Variants in SMCO4 observed in about 807,000 individuals in gnomAD.
SMCO4 encodes single-pass membrane protein with coiled-coil domains 4.
In SMCO4, 4 loss-of-function variants were observed where a neutral mutation model predicts 3.6. The ratio of observed to expected loss-of-function variants is 1.11; its 90% confidence interval spans 0.54 to 2.53. SMCO4 has a LOEUF of 2.53. SMCO4 is among the 30% of genes most tolerant of loss of function. The pLI, the probability that SMCO4 is intolerant of heterozygous loss-of-function variation, is 0.02. For missense variants in SMCO4, 70 were observed against 80.8 expected, an observed-to-expected ratio of 0.87 and a Z score of 0.51; for synonymous variants, 36 against 35.3, an observed-to-expected ratio of 1.02 and a Z score of -0.07.
chr11:93,536,289 A>G (rs1949223731), intron 1 of SMCO4, among the ~76,000 whole-genome samples: 1 of 152,226 alleles, frequency 6.6e-6, no homozygotes, highest in Admixed American at 6.5e-5. Context: ...AACATTTTAA[A>G]TGAATTTAAC....
chr11:93,495,051 G>A (rs1425597792), intron 2 of SMCO4, among the ~76,000 whole-genome samples: 2 of 151,976 alleles, frequency 1.3e-5, no homozygotes, highest in African/African-American at 2.4e-5. Context: ...CCATGCAGCT[G>A]TCTGAAATGC....
At chr11:93,553,108 C>T in the SMCO4 span, among the ~76,000 whole-genome samples, 3 of 152,192 alleles carry the variant, frequency 2.0e-5, no homozygotes, top group African/African-American at 7.2e-5. Flanking sequence ...CCACATGGTT[C>T]CAAAGTCCAT....
intron 1 of SMCO4, among the ~76,000 whole-genome samples, chr11:93,520,765 A>T (rs955456705): frequency 2.0e-5 from 3 of 152,226 alleles, no homozygotes; most frequent in African/African-American, 7.2e-5. Context: ...AGAGAACTGA[A>T]CAGAGACCCA....
At chr11:93,551,358 G>A in the SMCO4 span, among the ~76,000 whole-genome samples, 2 of 152,058 alleles carry the variant, frequency 1.3e-5, no homozygotes, top group African/African-American at 4.8e-5. Context: ...CTGGGGACGT[G>A]GTCCTCCTCA....
intron 1 of SMCO4, among the ~76,000 whole-genome samples, chr11:93,527,406 C>A (rs949602561): frequency 6.6e-6 from 1 of 152,106 alleles, no homozygotes; most frequent in East Asian, 1.9e-4. Flanking sequence ...AAAAAAAAAT[C>A]TCTCAGGGGA....
intron 2 of SMCO4, among the ~76,000 whole-genome samples, chr11:93,489,990 C>A (rs1446350342): frequency 6.6e-6 from 1 of 152,228 alleles, no homozygotes; most frequent in Non-Finnish European, 1.5e-5. Flanking sequence ...GAGACCAAAG[C>A]AGCCCGGGTA....
intron 2 of SMCO4, among the ~76,000 whole-genome samples, chr11:93,493,701 T>C (rs2605610): frequency 0.66 from 100,092 of 152,134 alleles, 33,225 homozygotes; most frequent in African/African-American, 0.7. Flanking sequence ...GCTTTCAACA[T>C]CTCTGTGCTG....
At chr11:93,517,918 T>C (rs372141712) in intron 1 of SMCO4, among the ~76,000 whole-genome samples, 19 of 152,344 alleles carry the variant, frequency 1.2e-4, no homozygotes, top group African/African-American at 3.1e-4. Context: ...AGAACACATA[T>C]GCTGCCGCTC....
At chr11:93,542,851 C>T (rs1949282092) in intron 1 of SMCO4, among the ~76,000 whole-genome samples, 1 of 152,188 alleles carries the variant, frequency 6.6e-6, no homozygotes, top group South Asian at 2.1e-4. Context: ...CTCAAAGGAC[C>T]CGCGTTTCCC....
chr11:93,491,329 T>G (rs185684176), intron 2 of SMCO4, among the ~76,000 whole-genome samples: 3 of 152,350 alleles, frequency 2.0e-5, no homozygotes, highest in Admixed American at 2.0e-4. Flanking sequence ...GAGGCCATGT[T>G]AGGGCATGGC....
rs375399707 is a variant in SMCO4 at position 93,478,965 on chromosome 11, G to A, written c.*45C>T. 17 of 1,566,794 alleles carry A rather than the reference G, an allele frequency of 1.1e-5. No individual in the cohort carries two copies. Among genetic ancestry groups the A allele is most frequent in the African/African-American group, 9.4e-5 (7 of 74,128 alleles). On this transcript the variant is annotated 3_prime_UTR_variant, in exon 3 of 3. Coordinates refer to ENST00000298966, the MANE Select transcript of SMCO4 (RefSeq NM_020179.3). ...CATTTTTTGTTTGCGTCCCCCTCCC[G>A]CGCCTCCTCTCCCTGCCGATGGGGT...
intron 1 of SMCO4, among the ~76,000 whole-genome samples, chr11:93,508,900 C>A (rs541430978): frequency 2.0e-5 from 3 of 152,256 alleles, no homozygotes; most frequent in Non-Finnish European, 2.9e-5. Context: ...AGAGCCTGGA[C>A]GAGCAGACCC....
chr11:93,489,106 G>T (rs1948684726), intron 2 of SMCO4, among the ~76,000 whole-genome samples: 1 of 152,144 alleles, frequency 6.6e-6, no homozygotes, highest in Non-Finnish European at 1.5e-5. Flanking sequence ...TCTCCAGACT[G>T]CAGTAAACAA....
At chr11:93,534,213 TATAC>T (rs1194708486) in intron 1 of SMCO4, among the ~76,000 whole-genome samples, 670 of 25,926 alleles carry the variant, frequency 0.026, 22 homozygotes, top group Non-Finnish European at 0.05. Flanking sequence ...AAAATATATA[TATAC>T]ACACACACAC....
At chr11:93,528,586 G>T (rs1322205080) in intron 1 of SMCO4, among the ~76,000 whole-genome samples, 1 of 152,192 alleles carries the variant, frequency 6.6e-6, no homozygotes, top group Non-Finnish European at 1.5e-5. Flanking sequence ...AAAAGTTCAT[G>T]TTCCCTGTGC....
At chr11:93,513,853 C>T (rs1259256101) in intron 1 of SMCO4, among the ~76,000 whole-genome samples, 5 of 152,242 alleles carry the variant, frequency 3.3e-5, no homozygotes, top group African/African-American at 1.2e-4. Flanking sequence ...CCAAGCACAG[C>T]AGTAAGTGAC....
chr11:93,546,445 T>C (rs899587592), upstream of SMCO4, among the ~76,000 whole-genome samples: 35 of 152,344 alleles, frequency 2.3e-4, no homozygotes, highest in Admixed American at 1.5e-3. Flanking sequence ...GGTGTGTTTA[T>C]CTCTCCCACT....
At chr11:93,517,702 G>C (rs1949020774) in intron 1 of SMCO4, among the ~76,000 whole-genome samples, 1 of 152,114 alleles carries the variant, frequency 6.6e-6, no homozygotes. Flanking sequence ...AGCAACCCTA[G>C]AAAGTAATGC....
At position 93,535,528 on chromosome 11, in the gene SMCO4, C is replaced by G. The variant is rs903140851; in HGVS notation, c.-154+7748G>C. ...AGCTGACCAGACTTTTCCAGAAGTG[C>G]TGGACATCAGGCAGCATCATATCAC... is the stretch of plus-strand genomic sequence containing the variant. On this transcript the variant is annotated intron_variant, in intron 1 of 2. Coordinates refer to ENST00000298966, the MANE Select transcript of SMCO4 (RefSeq NM_020179.3). 20 of 1,410,466 alleles carry G rather than the reference C, an allele frequency of 1.4e-5. No homozygotes were observed. In the African/African-American group the frequency reaches 2.7e-4, roughly 19 times the overall value. The allele number at this position is 1,410,466 out of a possible 1,614,324, so 87.4% of individuals were successfully genotyped here.
Sources: allele counts gnomAD v4.1 joint callset (sites outside exome capture counted in the v4.1 genomes callset), GRCh38; gene constraint gnomAD v4.1.1; transcripts MANE v1.5; gene names NCBI Gene and HGNC (gene_info 2026-07-23, HGNC 2026-07-21).